Variants in MAPT observed in about 807,000 individuals in gnomAD.
The protein encoded by MAPT is microtubule-associated protein tau.
MAPT carries 34 observed loss-of-function variants against 67.9 expected under a neutral mutation model. The observed-to-expected ratio is 0.50, with a 90% CI of 0.38 to 0.67. The LOEUF (loss-of-function observed/expected upper bound fraction) is 0.67. Among genes scored for constraint, MAPT ranks in the 30% least tolerant of loss-of-function variants. The pLI is 0.00. For missense variants in MAPT, 881 were observed against 1,115.2 expected (o/e 0.79, Z 2.99); for synonymous variants, 456 against 464.5 (o/e 0.98, Z 0.23).
At chr17:45,917,877 G>A (rs1003059880) in intron 1 of MAPT, among the ~76,000 whole-genome samples, 2 of 151,926 alleles carry the variant, frequency 1.3e-5, no homozygotes, top group Non-Finnish European at 2.9e-5. Context: ...GGGTTCAAGC[G>A]ATTCTCATGT....
At chr17:45,932,940 G>T (rs1444288673) in intron 1 of MAPT, among the ~76,000 whole-genome samples, 1 of 152,032 alleles carries the variant, frequency 6.6e-6, no homozygotes, top group Non-Finnish European at 1.5e-5. Context: ...AAATTAGCCA[G>T]GCACGGTGGT....
intron 9 of MAPT, among the ~76,000 whole-genome samples, chr17:45,998,953 C>G (rs772866467): frequency 6.6e-6 from 1 of 152,150 alleles, no homozygotes; most frequent in Non-Finnish European, 1.5e-5. Flanking sequence ...CCATCCTGCT[C>G]CAGCACCCAG....
intron 6 of MAPT, among the ~76,000 whole-genome samples, chr17:45,988,044 G>A (rs10445371): frequency 0.14 from 22,057 of 152,194 alleles, 2,143 homozygotes; most frequent in Non-Finnish European, 0.22. Context: ...ATTACCCTGG[G>A]CCTCGGCCAG....
chr17:45,914,181 C>T (rs1011466962), intron 1 of MAPT, among the ~76,000 whole-genome samples: 19 of 113,654 alleles, frequency 1.7e-4, no homozygotes, highest in Admixed American at 4.7e-4. Context: ...AAAACCACAG[C>T]GAGACACTGC....
At chr17:45,978,582 T>C (rs1568269149) in intron 4 of MAPT, 142 bp downstream of exon 4, 1 of 663,994 alleles carries the variant, frequency 1.5e-6, no homozygotes, top group Non-Finnish European at 2.6e-6. Context: ...TTATCAAAGG[T>C]TGGCTACTCA....
At chr17:45,991,420 C>T in intron 7 of MAPT, 40 bp from the exon 8 acceptor site, 1 of 1,613,594 alleles carries the variant, frequency 6.2e-7, no homozygotes. Flanking sequence ...AGTAACTTTT[C>T]CCAATGGTGA....
At chr17:45,950,514 G>T (rs1452775629) in intron 1 of MAPT, among the ~76,000 whole-genome samples, 1 of 151,978 alleles carries the variant, frequency 6.6e-6, no homozygotes, top group Non-Finnish European at 1.5e-5. Flanking sequence ...GGTTGTCTGG[G>T]CCCCTGCCAG....
rs1261211658 is a variant in MAPT at position 45,993,866 on chromosome 17, A to C, written c.1732+2280A>C. On this transcript the variant is annotated intron_variant, in intron 8 of 12. Transcript: ENST00000262410. ...TGGGTGCCTGCCACGTGAAGGACTC[A>C]TTAAGGCCCTGTTTAAGCCTGATGA... is the stretch of plus-strand genomic sequence containing the variant. The C allele has an allele frequency of 3.3e-6, 5 of 1,526,416 alleles. No homozygotes were observed. The Admixed American group carries it at 7.8e-5, about 24-fold the overall frequency. 94.6% of individuals were successfully genotyped at this position (1,526,416 alleles called of 1,614,324 possible).
At chr17:45,904,042 TTTATATATATTATATA>T (rs2063958022) in intron 1 of MAPT, among the ~76,000 whole-genome samples, 1 of 13,556 alleles carries the variant, frequency 7.4e-5, no homozygotes, top group African/African-American at 2.4e-4. Flanking sequence ...ATATTATATA[TTTATATATATTATATA>T]TTATATATTA....
At chr17:45,936,175 A>G (rs1426759422) in intron 1 of MAPT, among the ~76,000 whole-genome samples, 1 of 152,262 alleles carries the variant, frequency 6.6e-6, no homozygotes, top group Non-Finnish European at 1.5e-5. Context: ...CTTCCTGGCC[A>G]GACCGAATAT....
intron 1 of MAPT, among the ~76,000 whole-genome samples, chr17:45,949,422 G>A (rs2068838299): frequency 6.6e-6 from 1 of 152,256 alleles, no homozygotes; most frequent in Non-Finnish European, 1.5e-5. Flanking sequence ...CCTGGGTAAT[G>A]AACGTCAGCT....
chr17:46,019,145 TGGC>T (rs1420010700), intron 12 of MAPT, among the ~76,000 whole-genome samples: 1 of 152,104 alleles, frequency 6.6e-6, no homozygotes, highest in Admixed American at 6.5e-5. Context: ...CTCAAAATCA[TGGC>T]GGAAGGCAAA....
chr17:45,966,894 T>C (rs2071142872), intron 2 of MAPT, among the ~76,000 whole-genome samples: 1 of 152,222 alleles, frequency 6.6e-6, no homozygotes, highest in Non-Finnish European at 1.5e-5. Context: ...GATAATTTGC[T>C]TACCCAAAGA....
At chr17:46,018,551 A>G in intron 11 of MAPT, 67 bp from the exon 12 acceptor site, 1 of 1,172,736 alleles carries the variant, frequency 8.5e-7, no homozygotes, top group Non-Finnish European at 1.3e-6. Context: ...ACCTCATGTA[A>G]TGTATGTTAA....
intron 1 of MAPT, among the ~76,000 whole-genome samples, chr17:45,903,990 ATATATAT>A (rs2063916370): frequency 7.0e-5 from 1 of 14,274 alleles, no homozygotes. Context: ...TTATATATTT[ATATATAT>A]TATATATTAT....
chr17:45,971,841 T>A lies in MAPT; in HGVS notation c.134-18T>A. 1 of 1,584,176 alleles carries A rather than the reference T, an allele frequency of 6.3e-7. No individual in the cohort carries two copies. The highest frequency in any genetic ancestry group is 8.7e-7 in the Non-Finnish European group (1 of 1,152,790). ...GGGGAGAGGCCACCGTTCTGAGGGCTCACTGTATGTGTTCCAGAATCTCCC... is the reference window on the plus strand; with the variant it reads ...GGGGAGAGGCCACCGTTCTGAGGGCACACTGTATGTGTTCCAGAATCTCCC... On this transcript the variant is annotated intron_variant, in intron 2 of 12. Coordinates refer to ENST00000262410, the MANE Select transcript of MAPT (RefSeq NM_001377265.1). This position sits in a 1 kb window ranked among gnomAD's most constrained non-coding sequence, Gnocchi z 4.3.
intron 1 of MAPT, among the ~76,000 whole-genome samples, chr17:45,947,788 G>A (rs188519589): frequency 2.2e-4 from 34 of 151,948 alleles, no homozygotes; most frequent in Admixed American, 1.5e-3. Flanking sequence ...CTTTGTCCTC[G>A]TCTTTCCCCT....
At chr17:45,900,749 C>T (rs2063559979) in intron 1 of MAPT, among the ~76,000 whole-genome samples, 1 of 152,168 alleles carries the variant, frequency 6.6e-6, no homozygotes, top group Admixed American at 6.5e-5. Context: ...GCCTCCTGGG[C>T]ACAAATCCCA....
chr17:45,904,329 TTATATATTATA>T lies in MAPT; in HGVS notation c.-18+9660_-18+9670del, dbSNP rs1258342764. On this transcript the variant is annotated intron_variant, in intron 1 of 12. Coordinates refer to ENST00000262410, the MANE Select transcript of MAPT (RefSeq NM_001377265.1). ...TATATAAAAACATATATAATATATA[TTATATATTATA>T]TATATATTATATATATTATATATAT... Among the ~76,000 whole-genome samples the T allele has an allele frequency of 2.8e-3, 176 of 62,240 alleles. 4 individuals carry two copies. Among genetic ancestry groups the T allele is most frequent in the African/African-American group, 8.8e-3 (169 of 19,112 alleles). 40.8% of individuals were successfully genotyped at this position (62,240 alleles called of 152,430 possible).
Sources: allele counts gnomAD v4.1 joint callset (sites outside exome capture counted in the v4.1 genomes callset), GRCh38; gene constraint gnomAD v4.1.1; non-coding constraint Gnocchi (gnomAD v3.1); transcripts MANE v1.5; gene names NCBI Gene and HGNC (gene_info 2026-07-23, HGNC 2026-07-21).